BCLAF3: variants seen among roughly 807,000 people sequenced by gnomAD.
BCLAF3 encodes the protein transient octamer binding factor 1.
BCLAF3 carries 24 observed loss-of-function variants against 51.2 expected under a neutral mutation model. The observed-to-expected ratio is 0.47, with a 90% CI of 0.34 to 0.66. The LOEUF (loss-of-function observed/expected upper bound fraction) is 0.66, where lower values mean the gene tolerates loss of function less well. Ranked by LOEUF, BCLAF3 falls within the 30% of genes least tolerant of loss-of-function variation. BCLAF3 has a pLI of 0.01. For synonymous variants in BCLAF3, 152 were observed against 176.6 expected (o/e 0.86, Z 1.10); for missense variants, 465 against 525.1 (o/e 0.89, Z 1.12).
chrX:19,941,312 T>C (rs1210032572), intron 8 of BCLAF3, among the ~76,000 whole-genome samples: 9 of 106,755 alleles, frequency 8.4e-5, no homozygotes, highest in Non-Finnish European at 1.9e-5. Context: ...TTTGTTGCCA[T>C]TGCTTTTGGT....
intron 10 of BCLAF3, among the ~76,000 whole-genome samples, chrX:19,934,918 G>C (rs933422571): frequency 1.8e-5 from 2 of 112,156 alleles, no homozygotes; most frequent in East Asian, 5.6e-4. Context: ...AGGTGCAGTG[G>C]CTCAAGCCTG....
chrX:19,986,540 T>G (rs1054634389), intron 1 of BCLAF3, among the ~76,000 whole-genome samples: 1 of 111,714 alleles, frequency 9.0e-6, no homozygotes, highest in Non-Finnish European at 1.9e-5. Context: ...GAAGGGAACC[T>G]TGGAACACAG....
intron 11 of BCLAF3, among the ~76,000 whole-genome samples, chrX:19,923,906 A>G (rs1308023558): frequency 9.6e-6 from 1 of 104,643 alleles, no homozygotes; most frequent in African/African-American, 3.5e-5. Context: ...CTGTGATGTG[A>G]TCTCGTCTCA....
rs1263199853 is a variant in BCLAF3, at chrX:19,913,039, G to T, written c.*4266C>A. On this transcript the variant is annotated 3_prime_UTR_variant, in exon 12 of 12. Coordinates refer to ENST00000379682, the MANE Select transcript of BCLAF3 (RefSeq NM_001367774.2). ...ATATGTACAGACAGGATTGACGGGG[G>T]GAATCCCTAAACTTTTTATTCTAAC... The T allele has an allele frequency of 9.0e-6, 1 of 111,414 alleles. No individual in the cohort carries two copies. The highest frequency in any genetic ancestry group is 1.9e-5 in the Non-Finnish European group (1 of 52,992). The allele number at this position is 111,414 out of a possible 1,213,427, so 9.2% of individuals were successfully genotyped here. A position where few individuals can be genotyped will look rare whatever the true frequency, so the allele number is the denominator to read the frequency against.
At chrX:19,967,519 C>T (rs2072099424) in intron 2 of BCLAF3, among the ~76,000 whole-genome samples, 1 of 111,629 alleles carries the variant, frequency 9.0e-6, no homozygotes, top group African/African-American at 3.3e-5. Context: ...GCTTGTGTTT[C>T]CACTAAGGCG....
intron 4 of BCLAF3, 109 bp from the exon 5 acceptor site, chrX:19,955,675 A>G (rs905439623): frequency 1.6e-6 from 1 of 617,518 alleles, no homozygotes; most frequent in Non-Finnish European, 2.4e-6. Context: ...ATCTTTTCTT[A>G]TAATTAAGGC....
chrX:19,982,958 CTT>C lies in BCLAF3; in HGVS notation c.-35+7948_-35+7949del, dbSNP rs749753466. On this transcript the variant is annotated intron_variant, in intron 1 of 11. Transcript: ENST00000379682. Reference sequence around the variant, plus strand: ...AACCAAAGTGATTCCTTTTTTTTTTCTTTTTTTTTTTTTTTTTTGAGACGGAG... The same window carrying C: ...AACCAAAGTGATTCCTTTTTTTTTTCTTTTTTTTTTTTTTTTGAGACGGAG... 5.1e-3 allele frequency among the ~76,000 whole-genome samples: 368 copies of C among 72,336 alleles called. 5 individuals are homozygous for C. Among genetic ancestry groups the C allele is most frequent in the African/African-American group, 0.025 (347 of 13,911 alleles). 62.8% of individuals were successfully genotyped at this position (72,336 alleles called of 115,157 possible).
At chrX:19,978,130 A>G (rs918218281) in intron 1 of BCLAF3, among the ~76,000 whole-genome samples, 1 of 112,378 alleles carries the variant, frequency 8.9e-6, no homozygotes, top group Admixed American at 9.5e-5. Context: ...TGTGCCTGCT[A>G]ACACAGCATT....
chrX:19,919,527 A>G (rs746352632), intron 11 of BCLAF3, among the ~76,000 whole-genome samples: 13 of 109,374 alleles, frequency 1.2e-4, no homozygotes, highest in Non-Finnish European at 2.1e-4. Context: ...AGCCTGGGCA[A>G]TAACAGTGAA....
At chrX:19,929,387 T>C (rs1322545152) in intron 11 of BCLAF3, 1 of 113,554 alleles carries the variant, frequency 8.8e-6, no homozygotes, top group Non-Finnish European at 1.8e-5. Flanking sequence ...AGTTAGTGTA[T>C]TTTGCAATTA....
chrX:19,938,916 C>G (rs1320560524), intron 8 of BCLAF3, among the ~76,000 whole-genome samples: 2 of 112,394 alleles, frequency 1.8e-5, no homozygotes, highest in South Asian at 3.7e-4. Context: ...GTCTTAACAC[C>G]TATCATTCCG....
rs765013806 is a variant in BCLAF3 at position 19,983,377 on chromosome X, C to T, written c.-35+7531G>A. Among the ~76,000 whole-genome samples the T allele has an allele frequency of 1.5e-4, 16 of 104,460 alleles. No individual in the cohort carries two copies. In the East Asian group the frequency reaches 4.1e-3, roughly 27 times the overall value. 90.7% of individuals were successfully genotyped at this position (104,460 alleles called of 115,157 possible). ...GGCAGATCACCAGAAGTCAGGAGTT[C>T]GAGACCAGCTTGGCCAACATGGCGA... On this transcript the variant is annotated intron_variant, in intron 1 of 11. Coordinates refer to ENST00000379682, the MANE Select transcript of BCLAF3 (RefSeq NM_001367774.2).
intron 1 of BCLAF3, among the ~76,000 whole-genome samples, chrX:19,977,470 G>A (rs1003415203): frequency 8.9e-6 from 1 of 112,197 alleles, no homozygotes; most frequent in Non-Finnish European, 1.9e-5. Context: ...CAGCCACAAC[G>A]TTCCCTTAAG....
intron 8 of BCLAF3, among the ~76,000 whole-genome samples, chrX:19,948,194 C>A (rs1252688172): frequency 1.8e-5 from 2 of 111,617 alleles, no homozygotes; most frequent in Non-Finnish European, 3.8e-5. Context: ...AATTCCACTC[C>A]TAGCTATATA....
In BCLAF3 at chrX:19,966,267, C is replaced by T; in HGVS notation, c.424G>A (p.Asp142Asn). Reference protein sequence around the residue: ...QKVQGGHSPDDHRVRGSGKGG... With the variant: ...QKVQGGHSPDNHRVRGSGKGG... ...TTTCCACTTCCTCTAACTCTGTGGTCATCAGGACTATGCCCTCCTTGCACT... is the reference window on the plus strand; with the variant it reads ...TTTCCACTTCCTCTAACTCTGTGGTTATCAGGACTATGCCCTCCTTGCACT... The change falls in exon 3 of 12, where the codon GAC (aspartate) becomes AAC (asparagine). Residue 142 changes from aspartate (D) to asparagine (N), a missense_variant. Coordinates refer to ENST00000379682, the MANE Select transcript of BCLAF3 (RefSeq NM_001367774.2). 8.3e-7 allele frequency: 1 copy of T among 1,211,799 alleles called. No homozygotes were observed. Among genetic ancestry groups the T allele is most frequent in the Non-Finnish European group, 1.1e-6 (1 of 895,541 alleles).
intron 8 of BCLAF3, among the ~76,000 whole-genome samples, chrX:19,945,700 G>A (rs1224930801): frequency 1.2e-5 from 1 of 83,728 alleles, no homozygotes; most frequent in Non-Finnish European, 2.1e-5. Context: ...GGACATTTAA[G>A]TCTGCAGAGG....
intron 11 of BCLAF3, among the ~76,000 whole-genome samples, chrX:19,921,618 G>A (rs1569498870): frequency 1.8e-5 from 2 of 110,037 alleles, no homozygotes; most frequent in Admixed American, 9.7e-5. Context: ...TAGGAGGATC[G>A]CTTGAACTCG....
intron 8 of BCLAF3, among the ~76,000 whole-genome samples, chrX:19,944,509 G>T (rs1379947407): frequency 1.4e-5 from 1 of 69,407 alleles, no homozygotes; most frequent in South Asian, 5.7e-4. Flanking sequence ...GTCTGTAAAG[G>T]ATTTTATTTC....
chrX:19,973,940 T>C (rs2072333818), intron 1 of BCLAF3, among the ~76,000 whole-genome samples: 1 of 111,911 alleles, frequency 8.9e-6, no homozygotes, highest in African/African-American at 3.2e-5. Context: ...AATGTTTAAG[T>C]TGCATATTCC....
Sources: gnomAD v4.1 joint callset for allele counts (sites outside exome capture counted in the v4.1 genomes callset) on GRCh38, gnomAD v4.1.1 for gene constraint, MANE v1.5 for transcripts, NCBI Gene and HGNC (gene_info 2026-07-23, HGNC 2026-07-21) for gene names.